Variants in OSCP1 observed in about 807,000 individuals in gnomAD.
OSCP1 encodes the protein organic solute carrier partner 1.
OSCP1 carries 35 observed loss-of-function variants against 45.1 expected under a neutral mutation model. The observed-to-expected ratio is 0.78, with a 90% CI of 0.59 to 1.03. OSCP1 has a LOEUF of 1.03. Ranked by LOEUF, OSCP1 falls within the 50% of genes least tolerant of loss-of-function variation. OSCP1 has a pLI of 0.00. For missense variants in OSCP1, 400 were observed against 470.7 expected, an observed-to-expected ratio of 0.85 and a Z score of 1.39; for synonymous variants, 179 against 180.1, an observed-to-expected ratio of 0.99 and a Z score of 0.05.
intron 1 of OSCP1, among the ~76,000 whole-genome samples, chr1:36,442,379 G>A (rs867316382): frequency 7.2e-5 from 11 of 152,220 alleles, no homozygotes; most frequent in Middle Eastern, 6.8e-3. Context: ...GAACATTTAT[G>A]TTAAAATAAA....
At chr1:36,433,104 A>G (rs926506359) in intron 2 of OSCP1, among the ~76,000 whole-genome samples, 1 of 152,248 alleles carries the variant, frequency 6.6e-6, no homozygotes, top group Admixed American at 6.5e-5. Flanking sequence ...ATAGAGTTCT[A>G]CAACTTTATA....
Position 36,420,510 on chromosome 1 carries a change from G to A in OSCP1, c.925C>T (p.Arg309Trp), listed in dbSNP as rs1406005863. The A allele has an allele frequency of 9.9e-6, 16 of 1,613,948 alleles. No homozygotes were observed. Among genetic ancestry groups the A allele is most frequent in the Middle Eastern group, 3.3e-4 (2 of 6,062 alleles). The change falls in exon 8 of 10, where the codon CGG becomes TGG. Residue 309 changes from arginine (R) to tryptophan (W), a missense_variant. Coordinates refer to ENST00000235532, the MANE Select transcript of OSCP1 (RefSeq NM_145047.5). ...KKPSGPEPGFRLNLFTTDEEE... is the reference protein window; with the variant it reads ...KKPSGPEPGFWLNLFTTDEEE... ...TCATCGGTGGTAAAGAGATTCAACC[G>A]GAATCCGGGCTCAGGGCCACTGGGT...
chr1:36,420,904 T>C (rs1191065799), intron 7 of OSCP1, among the ~76,000 whole-genome samples: 9 of 152,186 alleles, frequency 5.9e-5, no homozygotes, highest in Non-Finnish European at 8.8e-5. Flanking sequence ...CTTGAAGAAG[T>C]GTATGGCTTC....
chr1:36,420,319 A>T (rs1647541897), intron 8 of OSCP1, 157 bp downstream of exon 8: 2 of 957,586 alleles, frequency 2.1e-6, no homozygotes, highest in Non-Finnish European at 3.0e-6. Context: ...AGGCCATTTC[A>T]TCCTGGTGGG....
chr1:36,449,706 G>GGTT, intron 1 of OSCP1, among the ~76,000 whole-genome samples: 1 of 151,222 alleles, frequency 6.6e-6, no homozygotes, highest in African/African-American at 2.4e-5. Flanking sequence ...GTGTGGTGGT[G>GGTT]CATGCCTGTA....
At chr1:36,446,286 A>C (rs1269815995) in intron 1 of OSCP1, among the ~76,000 whole-genome samples, 1 of 152,176 alleles carries the variant, frequency 6.6e-6, no homozygotes, top group African/African-American at 2.4e-5. Flanking sequence ...GCGTCCCAAA[A>C]TGCTGGGAAT....
At chr1:36,441,674 C>G (rs1649171071) in intron 1 of OSCP1, among the ~76,000 whole-genome samples, 1 of 146,548 alleles carries the variant, frequency 6.8e-6, no homozygotes, top group Non-Finnish European at 1.5e-5. Context: ...TGGCGTGAAC[C>G]CGGGAGGCGG....
At chr1:36,429,400 AG>A (rs1227480394) in intron 4 of OSCP1, among the ~76,000 whole-genome samples, 1 of 150,908 alleles carries the variant, frequency 6.6e-6, no homozygotes, top group Non-Finnish European at 1.5e-5. Flanking sequence ...AAAAAAAAAA[AG>A]AGAAACATGT....
intron 1 of OSCP1, among the ~76,000 whole-genome samples, chr1:36,440,283 A>G (rs1649044443): frequency 6.6e-6 from 1 of 152,180 alleles, no homozygotes; most frequent in African/African-American, 2.4e-5. Flanking sequence ...CCCGCATTTT[A>G]AAGCATTTCA....
intron 9 of OSCP1, 65 bp downstream of exon 9, chr1:36,418,926 C>CA (rs373575842): frequency 0.13 from 166,537 of 1,233,970 alleles, 5,195 homozygotes; most frequent in East Asian, 0.2. Context: ...GACCCTGTCT[C>CA]AAGAAAAAAA....
intron 2 of OSCP1, 105 bp from the exon 3 acceptor site, chr1:36,432,694 G>A: frequency 7.3e-7 from 1 of 1,375,112 alleles, no homozygotes; most frequent in South Asian, 1.2e-5. Flanking sequence ...CCAACTCTGG[G>A]CTTGCCATAC....
intron 1 of OSCP1, among the ~76,000 whole-genome samples, chr1:36,442,014 G>A (rs949171179): frequency 9.9e-5 from 15 of 151,918 alleles, no homozygotes; most frequent in Non-Finnish European, 1.8e-4. Context: ...GATCACCTGA[G>A]GTCGGGAGTT....
chr1:36,447,913 G>A lies in OSCP1; in HGVS notation c.112+2345C>T, dbSNP rs181406940. The A allele has an allele frequency of 2.2e-3, 983 of 452,996 alleles. 5 individuals are homozygous for A. Among genetic ancestry groups the A allele is most frequent in the South Asian group, 6.0e-3 (386 of 64,296 alleles). 28.1% of individuals were successfully genotyped at this position (452,996 alleles called of 1,614,324 possible). On this transcript the variant is annotated intron_variant, in intron 1 of 9. Coordinates refer to ENST00000235532, the MANE Select transcript of OSCP1 (RefSeq NM_145047.5). The surrounding 1 kb of genome is among the most constrained non-coding windows in gnomAD (Gnocchi z 4.1). ...CTGTGGAATGAATGAGTGTGCGAAT[G>A]TAAATTACTAAAGATGGCCGAAACT...
chr1:36,439,159 G>A (rs4652914), intron 1 of OSCP1, among the ~76,000 whole-genome samples: 36,124 of 152,160 alleles, frequency 0.24, 4,584 homozygotes, highest in African/African-American at 0.32. Flanking sequence ...TTGTGCTTCA[G>A]AGATTATAAA....
intron 1 of OSCP1, among the ~76,000 whole-genome samples, chr1:36,445,836 T>C (rs563879034): frequency 6.6e-6 from 1 of 152,144 alleles, no homozygotes; most frequent in South Asian, 2.1e-4. Context: ...CGCCTCAGCC[T>C]CCCGAGTAGC....
intron 2 of OSCP1, among the ~76,000 whole-genome samples, chr1:36,435,519 T>TA (rs1388025844): frequency 1.3e-5 from 2 of 152,136 alleles, no homozygotes; most frequent in African/African-American, 2.4e-5. Flanking sequence ...ATTGAACAGC[T>TA]ATATGCCAGG....
intron 8 of OSCP1, 167 bp from the exon 9 acceptor site, chr1:36,419,221 C>G (rs528749057): frequency 5.7e-5 from 37 of 645,080 alleles, no homozygotes; most frequent in Non-Finnish European, 9.6e-5. Context: ...CCTAGAAAGT[C>G]AAGTTCTTTT....
At chr1:36,441,663 A>G (rs896315722) in intron 1 of OSCP1, among the ~76,000 whole-genome samples, 8 of 143,154 alleles carry the variant, frequency 5.6e-5, no homozygotes. Flanking sequence ...AGGCAGGAGA[A>G]TGGCGTGAAC....
intron 7 of OSCP1, among the ~76,000 whole-genome samples, chr1:36,421,299 G>A (rs377358590): frequency 2.6e-5 from 4 of 152,180 alleles, no homozygotes; most frequent in Non-Finnish European, 5.9e-5. Flanking sequence ...GATCCGTTAC[G>A]TAAGCCTCGT....
Sources: gnomAD v4.1 joint callset for allele counts (sites outside exome capture counted in the v4.1 genomes callset) on GRCh38, gnomAD v4.1.1 for gene constraint, Gnocchi (gnomAD v3.1) non-coding constraint, MANE v1.5 for transcripts, NCBI Gene and HGNC (gene_info 2026-07-23, HGNC 2026-07-21) for gene names.